KDM4C: variants seen among roughly 807,000 people sequenced by gnomAD.
The protein encoded by KDM4C is lysine demethylase 4C.
A neutral mutation model predicts 129.3 loss-of-function variants in KDM4C; 81 were observed. The observed-to-expected ratio is 0.63, with a 90% confidence interval of 0.52 to 0.75. The LOEUF (loss-of-function observed/expected upper bound fraction) is 0.75. KDM4C is among the 30% of genes least tolerant of loss of function. The pLI is 0.00. For missense variants in KDM4C, 1,457 were observed against 1,304.0 expected (o/e 1.12, Z -1.81); for synonymous variants, 573 against 456.1 (o/e 1.26, Z -3.26).
At chr9:6,990,024 C>A (rs1586746033) in intron 11 of KDM4C, among the ~76,000 whole-genome samples, 2 of 152,066 alleles carry the variant, frequency 1.3e-5, no homozygotes, top group South Asian at 4.1e-4. Context: ...GGGATCCCTT[C>A]ACCTTGGCCT....
Position 7,165,356 on chromosome 9 carries a change from A to G in KDM4C, c.2900A>G (p.Gln967Arg). 1 of 1,613,892 alleles carries G rather than the reference A, an allele frequency of 6.2e-7. No homozygotes were observed. The highest frequency in any genetic ancestry group is 8.5e-7 in the Non-Finnish European group (1 of 1,179,868). ...GGATCAAATATTGCCCACATGTACC[A>G]GGTGGGTTCTTCCTTCTCTGTGATG... ...YFGSNIAHMY[Q>R]VEFEDGSQIA... The change falls in exon 20 of 22, where the codon CAG becomes CGG. Residue 967 changes from glutamine (Q) to arginine (R), a missense_variant and splice_region_variant. Physicochemically the swap from Gln to Arg is conservative, Grantham distance 43 (BLOSUM62 1). Coordinates refer to ENST00000381309, the MANE Select transcript of KDM4C (RefSeq NM_015061.6).
chr9:6,770,061 C>T (rs1042263889), intron 1 of KDM4C, among the ~76,000 whole-genome samples: 7 of 152,012 alleles, frequency 4.6e-5, no homozygotes, highest in South Asian at 2.1e-4. Flanking sequence ...TGCCTGTAAC[C>T]CCAGGTACTT....
intron 12 of KDM4C, among the ~76,000 whole-genome samples, chr9:7,009,732 T>C (rs777686359): frequency 1.3e-5 from 2 of 152,220 alleles, no homozygotes; most frequent in African/African-American, 4.8e-5. Flanking sequence ...CAGGGTTGTG[T>C]ATCCCCTGGA....
chr9:6,793,268 C>A (rs1206596850), intron 2 of KDM4C, 136 bp downstream of exon 2: 2 of 784,560 alleles, frequency 2.5e-6, no homozygotes, highest in African/African-American at 1.8e-5. Context: ...CCATGTGAAA[C>A]ATTTGATTTC....
rs531657045 is a variant in KDM4C at position 6,860,929 on chromosome 9, G to T, written c.629+11229G>T. Among the ~76,000 whole-genome samples the T allele has an allele frequency of 1.1e-3, 165 of 152,148 alleles. 2 individuals carry two copies. The highest frequency in any genetic ancestry group is 2.2e-3 in the Non-Finnish European group (151 of 67,960). On this transcript the variant is annotated intron_variant, in intron 5 of 21. Coordinates refer to ENST00000381309, the MANE Select transcript of KDM4C (RefSeq NM_015061.6). ...CCTTTTTTGTAAAAGTGTCAAAAAT[G>T]AAAAACTGAGGATATTTAAGATGGA... is the stretch of plus-strand genomic sequence containing the variant.
chr9:7,067,602 A>G (rs1028851484), intron 17 of KDM4C, among the ~76,000 whole-genome samples: 1 of 152,238 alleles, frequency 6.6e-6, no homozygotes, highest in African/African-American at 2.4e-5. Context: ...ATTCAAATAT[A>G]TAGATCATGT....
Position 6,758,336 on chromosome 9 carries a change from C to A in KDM4C, c.-18+133C>A. ...GAGCGGCGACGCTGGGGCAGAGACG[C>A]TCCGTCCGTGACTGCAGCGACTGTC... On this transcript the variant is annotated intron_variant, in intron 1 of 21. Transcript: ENST00000381309. This position sits in a 1 kb window ranked among gnomAD's most constrained non-coding sequence, Gnocchi z 4.6. The A allele has an allele frequency of 2.2e-6, 1 of 449,100 alleles. No homozygotes were observed. The highest frequency in any genetic ancestry group is 2.9e-6 in the Non-Finnish European group (1 of 339,474). The allele number at this position is 449,100 out of a possible 1,614,324, so 27.8% of individuals were successfully genotyped here. A position where few individuals can be genotyped will look rare whatever the true frequency, so the allele number is the denominator to read the frequency against.
chr9:6,872,695 C>T (rs1165308386), intron 5 of KDM4C, among the ~76,000 whole-genome samples: 1 of 152,114 alleles, frequency 6.6e-6, no homozygotes, highest in Non-Finnish European at 1.5e-5. Flanking sequence ...CAATCCCTGG[C>T]TTTTCTTTTG....
rs750856305 is a variant in KDM4C at position 7,046,853 on chromosome 9, T to C, written c.2260-9T>C. The C allele has an allele frequency of 1.9e-6, 3 of 1,601,370 alleles. No individual in the cohort carries two copies. The highest frequency in any genetic ancestry group is 2.2e-5 in the East Asian group (1 of 44,748). On this transcript the variant is annotated splice_polypyrimidine_tract_variant and intron_variant, in intron 15 of 21. Transcript: ENST00000381309. Reference sequence around the variant, plus strand: ...CTGGTCATCATGTGGTATTTTCTTTTCCCCCCAGGAATGCTGTCTCTGCAA... The same window carrying C: ...CTGGTCATCATGTGGTATTTTCTTTCCCCCCCAGGAATGCTGTCTCTGCAA...
intron 16 of KDM4C, 71 bp from the exon 17 acceptor site, chr9:7,049,021 C>T (rs1028835442): frequency 7.4e-6 from 7 of 949,090 alleles, no homozygotes; most frequent in Non-Finnish European, 1.2e-5. Context: ...TCTGTGAGAA[C>T]TGGCATCACC....
At chr9:7,171,823 C>G (rs780662337) in intron 21 of KDM4C, among the ~76,000 whole-genome samples, 1 of 151,346 alleles carries the variant, frequency 6.6e-6, no homozygotes, top group Non-Finnish European at 1.5e-5. Flanking sequence ...TTTTTTTATT[C>G]TCTGAAAAAA....
intron 1 of KDM4C, among the ~76,000 whole-genome samples, chr9:6,731,966 C>G (rs1421923085): frequency 6.6e-6 from 1 of 152,050 alleles, no homozygotes; most frequent in Non-Finnish European, 1.5e-5. Flanking sequence ...TACAGTGCAC[C>G]AGGGAGACTA....
chr9:6,862,847 A>AAACAAAAAAC (rs1491419121), intron 5 of KDM4C, among the ~76,000 whole-genome samples: 3 of 151,524 alleles, frequency 2.0e-5, no homozygotes, highest in Admixed American at 2.0e-4. Flanking sequence ...AACAAAAAAC[A>AAACAAAAAAC]AAAAAAAATT....
chr9:7,159,429 G>A (rs1843540919), intron 19 of KDM4C, among the ~76,000 whole-genome samples: 2 of 152,174 alleles, frequency 1.3e-5, no homozygotes, highest in Admixed American at 6.5e-5. Context: ...CATAGCATTG[G>A]TGGTCTTTAC....
intron 12 of KDM4C, among the ~76,000 whole-genome samples, chr9:7,011,049 A>C (rs1364113510): frequency 6.6e-6 from 1 of 152,200 alleles, no homozygotes; most frequent in Non-Finnish European, 1.5e-5. Flanking sequence ...CATCTTAAAA[A>C]AGAAAAAAAG....
intron 8 of KDM4C, among the ~76,000 whole-genome samples, chr9:6,957,777 C>CA (rs1829333939): frequency 6.6e-6 from 1 of 152,154 alleles, no homozygotes; most frequent in South Asian, 2.1e-4. Flanking sequence ...GCTCCAGAAT[C>CA]AGAGAGCTGG....
intron 1 of KDM4C, among the ~76,000 whole-genome samples, chr9:6,787,364 C>G (rs545173941): frequency 1.3e-5 from 2 of 152,314 alleles, no homozygotes; most frequent in Admixed American, 1.3e-4. Flanking sequence ...TCCCTAGTAG[C>G]TCGGATCACA....
Position 7,174,805 on chromosome 9 carries a change from G to A in KDM4C, c.*76G>A, listed in dbSNP as rs1040909225. On this transcript the variant is annotated 3_prime_UTR_variant, in exon 22 of 22. Transcript: ENST00000381309. ...GATGAAGGGACATCCTTGGGGCTGT[G>A]CCGTGAGTTTTGCTGGCATAGGTGA... The A allele has an allele frequency of 3.7e-6, 5 of 1,349,658 alleles. No homozygotes were observed. Among genetic ancestry groups the A allele is most frequent in the African/African-American group, 1.4e-5 (1 of 69,358 alleles). The allele number at this position is 1,349,658 out of a possible 1,614,324, so 83.6% of individuals were successfully genotyped here.
At chr9:6,937,689 T>C (rs1157264798) in intron 8 of KDM4C, among the ~76,000 whole-genome samples, 1 of 152,106 alleles carries the variant, frequency 6.6e-6, no homozygotes, top group East Asian at 1.9e-4. Context: ...TCTTCTCTCC[T>C]GTGGAATAAA....
Sources: gnomAD v4.1 joint callset for allele counts (sites outside exome capture counted in the v4.1 genomes callset) on GRCh38, gnomAD v4.1.1 for gene constraint, Gnocchi (gnomAD v3.1) non-coding constraint, MANE v1.5 for transcripts, NCBI Gene and HGNC (gene_info 2026-07-23, HGNC 2026-07-21) for gene names.